The following APBB2 variants were observed in gnomAD, a reference collection of about 807,000 sequenced individuals.
The protein encoded by APBB2 is amyloid beta precursor protein binding family B member 2.
APBB2 carries 38 observed loss-of-function variants against 82.5 expected under a neutral mutation model. The ratio of observed to expected loss-of-function variants is 0.46; its 90% CI spans 0.36 to 0.60. The LOEUF (loss-of-function observed/expected upper bound fraction) is 0.60, where lower values mean the gene tolerates loss of function less well. APBB2 is among the 20% of genes least tolerant of loss of function. The probability of loss-of-function intolerance (pLI) is 0.00; values close to 1 mark genes in which losing one functional copy is unlikely to be tolerated. For synonymous variants in APBB2, 341 were observed against 368.2 expected (o/e 0.93, Z 0.85); for missense variants, 772 against 972.3 (o/e 0.79, Z 2.74).
In APBB2 at chr4:41,172,226, C is replaced by G. The variant is rs954895266; in HGVS notation, c.-416-29084G>C. Reference sequence around the variant, plus strand: ...TTCCAACACCTCATCCAGCACCCCCCGCCCCAGGCACATTCCAGTCCCTAA... The same window carrying G: ...TTCCAACACCTCATCCAGCACCCCCGGCCCCAGGCACATTCCAGTCCCTAA... On this transcript the variant is annotated intron_variant, in intron 1 of 17. Coordinates refer to ENST00000508593, the MANE Select transcript of APBB2 (RefSeq NM_004307.2). Among the ~76,000 whole-genome samples, 3 of 152,232 alleles carry G rather than the reference C, an allele frequency of 2.0e-5. No individual in the cohort carries two copies. In the East Asian group the frequency reaches 5.8e-4, roughly 29 times the overall value.
intron 15 of APBB2, 95 bp from the exon 16 acceptor site, chr4:40,823,854 AT>A: frequency 2.7e-6 from 2 of 742,534 alleles, no homozygotes; most frequent in South Asian, 2.9e-5. Flanking sequence ...GCCCAGACTG[AT>A]CTTTTTTTAA....
chr4:41,131,965 A>G (rs1352636967), intron 2 of APBB2, among the ~76,000 whole-genome samples: 1 of 151,990 alleles, frequency 6.6e-6, no homozygotes, highest in Non-Finnish European at 1.5e-5. Flanking sequence ...ACTTGAACCC[A>G]GGAGGCGGAG....
chr4:40,987,066 C>T (rs938632257), intron 6 of APBB2, among the ~76,000 whole-genome samples: 3 of 152,148 alleles, frequency 2.0e-5, no homozygotes, highest in Admixed American at 1.3e-4. Context: ...TCTTTTTGCA[C>T]AGTATAGGAG....
intron 4 of APBB2, among the ~76,000 whole-genome samples, chr4:41,038,517 G>A (rs973558180): frequency 3.3e-5 from 5 of 151,868 alleles, no homozygotes; most frequent in African/African-American, 4.8e-5. Context: ...CGGATCTATC[G>A]CAGATCTACA....
At chr4:40,950,849 A>G (rs1034606145) in intron 6 of APBB2, among the ~76,000 whole-genome samples, 1 of 152,184 alleles carries the variant, frequency 6.6e-6, no homozygotes, top group African/African-American at 2.4e-5. Flanking sequence ...TCTCAAAAAA[A>G]AAATAATTAA....
chr4:40,893,149 G>A, intron 11 of APBB2, 116 bp downstream of exon 11: 1 of 1,276,246 alleles, frequency 7.8e-7, no homozygotes, highest in South Asian at 1.5e-5. Context: ...AATGGGAAAA[G>A]GCACCTGATG....
chr4:41,061,263 T>C (rs1209054873), intron 4 of APBB2, among the ~76,000 whole-genome samples: 3 of 152,248 alleles, frequency 2.0e-5, no homozygotes, highest in African/African-American at 7.2e-5. Flanking sequence ...TCCTGGAATA[T>C]AGTCATGTGT....
chr4:41,036,670 G>C (rs1240453571), intron 4 of APBB2, among the ~76,000 whole-genome samples: 1 of 152,192 alleles, frequency 6.6e-6, no homozygotes, highest in Non-Finnish European at 1.5e-5. Context: ...TGGAGAGTCA[G>C]GAAATGCTTT....
chr4:40,926,296 A>C (rs553777698), intron 10 of APBB2, among the ~76,000 whole-genome samples: 207 of 152,326 alleles, frequency 1.4e-3, no homozygotes, highest in African/African-American at 4.7e-3. Context: ...ATTTGCCCAC[A>C]GGTACAGTAA....
At chr4:41,038,325 A>T (rs1000231122) in intron 4 of APBB2, among the ~76,000 whole-genome samples, 3 of 152,264 alleles carry the variant, frequency 2.0e-5, no homozygotes, top group Non-Finnish European at 4.4e-5. Context: ...TGAAAGATTT[A>T]AATAAAAATC....
intron 11 of APBB2, among the ~76,000 whole-genome samples, chr4:40,891,117 G>A (rs1771897846): frequency 6.6e-6 from 1 of 152,234 alleles, no homozygotes; most frequent in Admixed American, 6.5e-5. Context: ...TACTATCCCA[G>A]TTAGCAGCTG....
At chr4:41,025,015 C>A (rs1477811401) in intron 5 of APBB2, among the ~76,000 whole-genome samples, 2 of 152,228 alleles carry the variant, frequency 1.3e-5, no homozygotes, top group Non-Finnish European at 1.5e-5. Context: ...TAGCCCACCC[C>A]CTTTTAGAAA....
intron 11 of APBB2, among the ~76,000 whole-genome samples, chr4:40,891,098 T>C (rs1771890918): frequency 6.6e-6 from 1 of 152,230 alleles, no homozygotes; most frequent in African/African-American, 2.4e-5. Context: ...CTCTGAGGGC[T>C]TGGATTGTTA....
chr4:41,083,357 CTTACAGGTCATTTT>C (rs1040237765), intron 3 of APBB2, among the ~76,000 whole-genome samples: 1 of 151,888 alleles, frequency 6.6e-6, no homozygotes, highest in African/African-American at 2.4e-5. Context: ...AGCTTTAGGG[CTTACAGGTCATTTT>C]TTTCCACTCT....
intron 6 of APBB2, among the ~76,000 whole-genome samples, chr4:40,977,321 T>G (rs1339835671): frequency 6.6e-6 from 1 of 151,566 alleles, no homozygotes; most frequent in Non-Finnish European, 1.5e-5. Flanking sequence ...TATAGTTGTT[T>G]TTTTTTTTTT....
chr4:41,060,963 G>A (rs1487805790), intron 4 of APBB2, among the ~76,000 whole-genome samples: 2 of 152,212 alleles, frequency 1.3e-5, no homozygotes, highest in Non-Finnish European at 2.9e-5. Flanking sequence ...ATAAGGAGCA[G>A]TGAAAGGAAA....
Position 40,886,164 on chromosome 4 carries a change from T to C in APBB2, c.1529+4200A>G, listed in dbSNP as rs77587419. Among the ~76,000 whole-genome samples, 373 of 152,320 alleles carry C rather than the reference T, an allele frequency of 2.4e-3. 4 individuals carry two copies. The highest frequency in any genetic ancestry group is 8.6e-3 in the African/African-American group (359 of 41,566). On this transcript the variant is annotated intron_variant, in intron 12 of 17. Coordinates refer to ENST00000508593, the MANE Select transcript of APBB2 (RefSeq NM_004307.2). ...CCACGAGGCAAGAGGGGAGTCCCTGTTCCAAGTTCCCTGTGTTCAGAAATT... is the reference window on the plus strand; with the variant it reads ...CCACGAGGCAAGAGGGGAGTCCCTGCTCCAAGTTCCCTGTGTTCAGAAATT...
At chr4:41,035,681 C>G (rs113730058) in intron 4 of APBB2, among the ~76,000 whole-genome samples, 1 of 152,176 alleles carries the variant, frequency 6.6e-6, no homozygotes, top group Non-Finnish European at 1.5e-5. Context: ...GTTGGCCCTC[C>G]GTATCCTCGG....
At chr4:41,077,853 A>G (rs964901011) in intron 3 of APBB2, among the ~76,000 whole-genome samples, 3 of 152,228 alleles carry the variant, frequency 2.0e-5, no homozygotes, top group African/African-American at 7.2e-5. Context: ...ATAGGCCTCA[A>G]GAGTAAACAG....
Sources: allele counts gnomAD v4.1 joint callset (sites outside exome capture counted in the v4.1 genomes callset), GRCh38; gene constraint gnomAD v4.1.1; transcripts MANE v1.5; gene names NCBI Gene and HGNC (gene_info 2026-07-23, HGNC 2026-07-21).